AFG2B: variants seen among roughly 807,000 people sequenced by gnomAD.
The protein encoded by AFG2B is AAA ATPase AFG2B, also known as ATPase family gene 2 protein homolog B.
At chr15:45,407,350 G>A in the AFG2B span, 2 of 586,520 alleles carry the variant, frequency 3.4e-6, no homozygotes, top group African/African-American at 1.9e-5. Flanking sequence ...CCTATTAAAG[G>A]ATTAGAACTG....
chr15:45,418,447 T>C, the AFG2B span: 1 of 1,092,380 alleles, frequency 9.2e-7, no homozygotes, highest in Non-Finnish European at 1.3e-6. Context: ...CCCCTATATA[T>C]ATTTTCTCGG....
At chr15:45,403,422 CG>C in the AFG2B span, 2 of 1,609,402 alleles carry the variant, frequency 1.2e-6, no homozygotes, top group Non-Finnish European at 1.7e-6. Flanking sequence ...TGCTGGACGG[CG>C]CCAGTGGGGA....
At chr15:45,414,809 T>G in the AFG2B span, 6 of 1,576,526 alleles carry the variant, frequency 3.8e-6, no homozygotes, top group South Asian at 5.6e-5. Flanking sequence ...ATGTTTAAAT[T>G]TACTTTTGAA....
At chr15:45,415,493 C>T in the AFG2B span, 1 of 954,588 alleles carries the variant, frequency 1.0e-6, no homozygotes, top group Admixed American at 2.7e-5. Context: ...GCAAGACTGT[C>T]TCAAAAAAAA....
the AFG2B span, chr15:45,407,212 A>G: frequency 8.1e-7 from 1 of 1,232,814 alleles, no homozygotes; most frequent in Non-Finnish European, 1.0e-6. Context: ...GAAGGGACAG[A>G]CAACTGGGAA....
chr15:45,409,762 A>G, the AFG2B span, among the ~76,000 whole-genome samples: 110 of 151,806 alleles, frequency 7.2e-4, no homozygotes, highest in African/African-American at 2.6e-3. Flanking sequence ...AGTTCTAGCT[A>G]CTCCGGAGGG....
the AFG2B span, chr15:45,417,658 A>G: frequency 5.8e-5 from 20 of 345,618 alleles, no homozygotes; most frequent in South Asian, 1.4e-4. Flanking sequence ...TTATTTTGCA[A>G]CTAGAGTGGA....
At chr15:45,415,800 A>C in the AFG2B span, 2 of 1,609,514 alleles carry the variant, frequency 1.2e-6, no homozygotes, top group Admixed American at 1.7e-5. Flanking sequence ...GGAGCTGAAA[A>C]AATGAAGAGG....
chr15:45,421,182 A>G, the AFG2B span: 1 of 1,607,908 alleles, frequency 6.2e-7, no homozygotes, highest in Non-Finnish European at 8.5e-7. Flanking sequence ...TTTAAGAAAG[A>G]AGGATTTTCT....
At chr15:45,410,575 A>AT in the AFG2B span, 1 of 1,526,918 alleles carries the variant, frequency 6.5e-7, no homozygotes, top group Non-Finnish European at 8.9e-7. Flanking sequence ...TTACAGATTA[A>AT]CATTCTGTGC....
the AFG2B span, among the ~76,000 whole-genome samples, chr15:45,419,314 TTAGTCCCAGCTACGTGGGGGACTAG>T: frequency 1.3e-5 from 2 of 152,088 alleles, no homozygotes; most frequent in East Asian, 1.9e-4. Context: ...AAATGTGGTG[TTAGTCCCAGCTACGTGGGGGACTAG>T]TAGTCCCAGC....
At chr15:45,414,853 A>G in the AFG2B span, 3 of 1,320,000 alleles carry the variant, frequency 2.3e-6, no homozygotes, top group South Asian at 2.7e-5. Flanking sequence ...AAACCTTTTT[A>G]AAAATATTAC....
chr15:45,408,048 C>A, the AFG2B span, among the ~76,000 whole-genome samples: 1 of 152,056 alleles, frequency 6.6e-6, no homozygotes. Context: ...TACTTTTAGT[C>A]CAATTTCCTT....
the AFG2B span, among the ~76,000 whole-genome samples, chr15:45,408,967 C>T: frequency 2.6e-5 from 4 of 152,304 alleles, no homozygotes; most frequent in South Asian, 2.1e-4. Flanking sequence ...GATTGCAAGA[C>T]GGGCGATTTT....
the AFG2B span, chr15:45,405,428 A>G: frequency 1.2e-6 from 2 of 1,614,188 alleles, no homozygotes; most frequent in South Asian, 2.2e-5. Flanking sequence ...TGCAGAAATG[A>G]CAGTTGGCTA....
At chr15:45,419,360 G>T in the AFG2B span, among the ~76,000 whole-genome samples, 2 of 152,010 alleles carry the variant, frequency 1.3e-5, no homozygotes, top group Admixed American at 1.3e-4. Flanking sequence ...TACTTGGGAG[G>T]GGGAGATGGG....
At chr15:45,402,437 C>T in the AFG2B span, 28 of 1,602,558 alleles carry the variant, frequency 1.7e-5, no homozygotes, top group Non-Finnish European at 2.2e-5. Flanking sequence ...GCGATGGCTC[C>T]GGACTCGGAT....
chr15:45,415,339 A>C, the AFG2B span, among the ~76,000 whole-genome samples: 1 of 152,124 alleles, frequency 6.6e-6, no homozygotes, highest in Non-Finnish European at 1.5e-5. Flanking sequence ...TCTACTAAAA[A>C]TACAAAAAAA....
chr15:45,409,310 G>T, the AFG2B span, among the ~76,000 whole-genome samples: 1 of 151,258 alleles, frequency 6.6e-6, no homozygotes, highest in African/African-American at 2.4e-5. Context: ...CCAGGAGGCG[G>T]AGGCTGCAGG....
Sources: allele counts gnomAD v4.1 joint callset (sites outside exome capture counted in the v4.1 genomes callset), GRCh38; gene constraint gnomAD v4.1.1; transcripts MANE v1.5; gene names NCBI Gene and HGNC (gene_info 2026-07-23, HGNC 2026-07-21).